HMG20A: variants seen among roughly 807,000 people sequenced by gnomAD.
HMG20A encodes the protein high mobility group protein 20A.
In HMG20A, 17 loss-of-function variants were observed where a neutral mutation model predicts 43.9. That is an observed-to-expected ratio of 0.39 (90% CI 0.27 to 0.58). HMG20A has a LOEUF of 0.58. Among genes scored for constraint, HMG20A ranks in the 20% least tolerant of loss-of-function variants. The probability of loss-of-function intolerance (pLI) is 0.59; values close to 1 mark genes in which losing one functional copy is unlikely to be tolerated. For synonymous variants in HMG20A, 132 were observed against 147.5 expected (o/e 0.89, Z 0.76); for missense variants, 341 against 438.2 (o/e 0.78, Z 1.98).
chr15:77,517,816 T>C, the HMG20A span, among the ~76,000 whole-genome samples: 1 of 151,880 alleles, frequency 6.6e-6, no homozygotes, highest in Admixed American at 6.6e-5. Flanking sequence ...TCGCATACAC[T>C]GTGCCTGGGG....
At chr15:77,439,002 C>G (rs2073580633) in intron 1 of HMG20A, among the ~76,000 whole-genome samples, 1 of 151,978 alleles carries the variant, frequency 6.6e-6, no homozygotes, top group South Asian at 2.1e-4. Flanking sequence ...ACCGTGTTAG[C>G]CAGGATAGTC....
chr15:77,490,572 C>T (rs896465076), downstream of HMG20A, among the ~76,000 whole-genome samples: 1 of 152,132 alleles, frequency 6.6e-6, no homozygotes, highest in Non-Finnish European at 1.5e-5. Context: ...CGTGTAATCC[C>T]AGTACTTTGG....
At chr15:77,508,036 C>G in the HMG20A span, among the ~76,000 whole-genome samples, 6 of 152,142 alleles carry the variant, frequency 3.9e-5, no homozygotes, top group Non-Finnish European at 8.8e-5. Context: ...GCACCCAAGC[C>G]CTACGCACAC....
At chr15:77,482,779 A>G (rs75620480) in intron 9 of HMG20A, 191 bp from the exon 10 acceptor site, 1 of 152,180 alleles carries the variant, frequency 6.6e-6, no homozygotes, top group African/African-American at 2.4e-5. Flanking sequence ...AAACATCTCA[A>G]TGAGGTTGCC....
chr15:77,497,775 A>G, the HMG20A span, among the ~76,000 whole-genome samples: 1 of 151,938 alleles, frequency 6.6e-6, no homozygotes, highest in Non-Finnish European at 1.5e-5. Context: ...CTATACTTGG[A>G]CAGCCTTTCA....
In HMG20A at chr15:77,478,516, T is replaced by C. The variant is rs371388891; in HGVS notation, c.907+6T>C. The C allele has an allele frequency of 1.5e-5, 24 of 1,606,894 alleles. No individual in the cohort carries two copies. In the African/African-American group the frequency reaches 2.5e-4, roughly 17 times the overall value. ...TGCCAGCATGCCCTTGCCTGGTAAG[T>C]CCTCCTGCCTGAGAACTGTCAGTGA... is the stretch of plus-strand genomic sequence containing the variant. On this transcript the variant is annotated splice_donor_region_variant and intron_variant, in intron 8 of 9. Transcript: ENST00000336216.
Position 77,484,914 on chromosome 15 carries a change from T to C in HMG20A, c.*1951T>C, listed in dbSNP as rs1002617726. 6.6e-6 allele frequency: 1 copy of C among 152,246 alleles called. No individual in the cohort carries two copies. Among genetic ancestry groups the C allele is most frequent in the Non-Finnish European group, 1.5e-5 (1 of 68,048 alleles). The allele number at this position is 152,246 out of a possible 1,614,324, so 9.4% of individuals were successfully genotyped here. On this transcript the variant is annotated 3_prime_UTR_variant, in exon 10 of 10. Transcript: ENST00000336216. ...TGTCCTGTCTTCCTTCCTCCTCATA[T>C]TTCTGTTTCTCATTTGTGTTCAGTT...
chr15:77,428,055 T>C (rs927256451), intron 1 of HMG20A, among the ~76,000 whole-genome samples: 1 of 152,226 alleles, frequency 6.6e-6, no homozygotes, highest in Non-Finnish European at 1.5e-5. Context: ...AAATCTGAAC[T>C]GGAACTTGGG....
intron 1 of HMG20A, among the ~76,000 whole-genome samples, chr15:77,444,980 C>T (rs774239559): frequency 6.6e-6 from 1 of 151,298 alleles, no homozygotes; most frequent in African/African-American, 2.4e-5. Context: ...CCTCTGCTAT[C>T]GAGCATCCTC....
At chr15:77,462,905 TAGGATTAC>T (rs1388491846) in intron 2 of HMG20A, among the ~76,000 whole-genome samples, 1 of 151,948 alleles carries the variant, frequency 6.6e-6, no homozygotes, top group East Asian at 1.9e-4. Flanking sequence ...TCTGAGTAGC[TAGGATTAC>T]AGGCACTGCC....
chr15:77,473,575 A>G (rs1595930440), intron 6 of HMG20A, among the ~76,000 whole-genome samples: 1 of 152,240 alleles, frequency 6.6e-6, no homozygotes, highest in African/African-American at 2.4e-5. Flanking sequence ...GCCAAACTAT[A>G]TGTAGCATTT....
the HMG20A span, among the ~76,000 whole-genome samples, chr15:77,498,043 A>G: frequency 6.6e-6 from 1 of 152,136 alleles, no homozygotes; most frequent in South Asian, 2.1e-4. Flanking sequence ...TTTGACTGAT[A>G]AAAGGAAATA....
At chr15:77,426,349 A>G (rs981692056) in intron 1 of HMG20A, among the ~76,000 whole-genome samples, 11 of 152,212 alleles carry the variant, frequency 7.2e-5, no homozygotes, top group Admixed American at 2.0e-4. Context: ...AGCCTTACCA[A>G]TAGCATAAAT....
intron 6 of HMG20A, among the ~76,000 whole-genome samples, chr15:77,475,126 G>A (rs560785106): frequency 1.4e-4 from 21 of 152,162 alleles, no homozygotes; most frequent in Admixed American, 5.9e-4. Context: ...CAGTGAAAGG[G>A]TAATCAGATC....
chr15:77,487,700 A>T (rs1396184879), downstream of HMG20A, among the ~76,000 whole-genome samples: 2 of 152,214 alleles, frequency 1.3e-5, no homozygotes, highest in African/African-American at 4.8e-5. Context: ...GGGAAATTGA[A>T]GTATTGCTTA....
At chr15:77,486,107 A>G (rs1173001025), downstream of HMG20A, among the ~76,000 whole-genome samples, 1 of 152,246 alleles carries the variant, frequency 6.6e-6, no homozygotes, top group Non-Finnish European at 1.5e-5. Flanking sequence ...CTTTTAATGT[A>G]TGCTGTAACA....
At chr15:77,444,071 A>G (rs750577045) in intron 1 of HMG20A, among the ~76,000 whole-genome samples, 7 of 152,230 alleles carry the variant, frequency 4.6e-5, no homozygotes, top group Non-Finnish European at 8.8e-5. Context: ...TTTCATTGAT[A>G]ACTTTGTAAT....
chr15:77,447,719 A>T (rs999814407), intron 1 of HMG20A: 4 of 152,184 alleles, frequency 2.6e-5, no homozygotes, highest in Non-Finnish European at 4.4e-5. Context: ...TCGAAAACAG[A>T]GTCTCTACAA....
At chr15:77,456,557 G>C (rs1449033213) in intron 1 of HMG20A, among the ~76,000 whole-genome samples, 2 of 147,806 alleles carry the variant, frequency 1.4e-5, no homozygotes, top group Non-Finnish European at 3.0e-5. Flanking sequence ...GCACGTACCT[G>C]TAATCCCAGC....
Sources: gnomAD v4.1 joint callset for allele counts (sites outside exome capture counted in the v4.1 genomes callset) on GRCh38, gnomAD v4.1.1 for gene constraint, MANE v1.5 for transcripts, NCBI Gene and HGNC (gene_info 2026-07-23, HGNC 2026-07-21) for gene names.